The following DPH6 variants were observed in gnomAD, a reference collection of about 807,000 sequenced individuals.
DPH6 encodes the protein diphthine--ammonia ligase.
In DPH6, 33 loss-of-function variants were observed where a neutral mutation model predicts 38.2. That is an observed-to-expected ratio of 0.86 (90% CI 0.65 to 1.15). DPH6 has a LOEUF of 1.15. DPH6 is among the 50% of genes most tolerant of loss of function. The probability of loss-of-function intolerance (pLI) is 0.00; values close to 1 mark genes in which losing one functional copy is unlikely to be tolerated. For missense variants in DPH6, 325 were observed against 320.0 expected (o/e 1.02, Z -0.12); for synonymous variants, 108 against 103.0 (o/e 1.05, Z -0.30).
At chr15:35,357,728 T>C (rs1429634684) in intron 3 of DPH6, among the ~76,000 whole-genome samples, 3 of 152,254 alleles carry the variant, frequency 2.0e-5, no homozygotes, top group Non-Finnish European at 4.4e-5. Flanking sequence ...TTCTCGCTTG[T>C]AGAGTTTCTG....
At chr15:35,291,279 A>C (rs1428630322) in intron 3 of DPH6, among the ~76,000 whole-genome samples, 1 of 152,100 alleles carries the variant, frequency 6.6e-6, no homozygotes, top group Non-Finnish European at 1.5e-5. Context: ...CATGGTGGAC[A>C]TTGTTTCTTT....
chr15:35,336,694 T>C (rs949009492), intron 3 of DPH6, among the ~76,000 whole-genome samples: 1 of 152,212 alleles, frequency 6.6e-6, no homozygotes, highest in African/African-American at 2.4e-5. Flanking sequence ...TCTGCATCCA[T>C]TGAGATAATC....
At chr15:35,366,228 T>TTGTG (rs10525441), downstream of DPH6, among the ~76,000 whole-genome samples, 23,226 of 144,182 alleles carry the variant, frequency 0.16, 1,877 homozygotes, top group South Asian at 0.26. Context: ...TTTAGTCATC[T>TTGTG]TGTGTGTGTG....
At chr15:35,223,019 C>T in intron 3 of DPH6, among the ~76,000 whole-genome samples, 1 of 152,198 alleles carries the variant, frequency 6.6e-6, no homozygotes, top group East Asian at 1.9e-4. Flanking sequence ...TATTCCATTT[C>T]ACAGTTGTAA....
intron 4 of DPH6, among the ~76,000 whole-genome samples, chr15:35,452,580 C>CT (rs2053949726): frequency 6.6e-6 from 1 of 152,086 alleles, no homozygotes; most frequent in Admixed American, 6.6e-5. Flanking sequence ...AAAAATATCA[C>CT]TATTTTTTTC....
intron 5 of DPH6, among the ~76,000 whole-genome samples, chr15:35,431,859 C>T (rs926324040): frequency 3.9e-5 from 6 of 152,118 alleles, no homozygotes; most frequent in African/African-American, 1.4e-4. Flanking sequence ...GCAATCTCGG[C>T]TCACTGCAAG....
intron 3 of DPH6, among the ~76,000 whole-genome samples, chr15:35,493,986 C>T (rs1426796339): frequency 6.6e-6 from 1 of 152,064 alleles, no homozygotes; most frequent in Non-Finnish European, 1.5e-5. Flanking sequence ...ACTCTGGAAC[C>T]AACTGCCCAG....
At chr15:35,153,416 A>C in the DPH6 span, among the ~76,000 whole-genome samples, 1 of 152,102 alleles carries the variant, frequency 6.6e-6, no homozygotes, top group Admixed American at 6.6e-5. Flanking sequence ...TATTTTGTTT[A>C]GTGAGGGTGT....
exon 4 of DPH6, chr15:35,220,148 A>G (rs1004107790): frequency 6.6e-6 from 1 of 152,212 alleles, no homozygotes; most frequent in African/African-American, 2.4e-5. Context: ...GTGATATCAT[A>G]TATCTCTGTC....
chr15:35,340,727 G>A (rs892685128), intron 3 of DPH6, among the ~76,000 whole-genome samples: 1 of 152,078 alleles, frequency 6.6e-6, no homozygotes, highest in Non-Finnish European at 1.5e-5. Context: ...TGGCTTGTGG[G>A]GTTTCTACTG....
At chr15:35,353,164 A>T (rs1466426243) in intron 3 of DPH6, among the ~76,000 whole-genome samples, 1 of 152,146 alleles carries the variant, frequency 6.6e-6, no homozygotes, top group Non-Finnish European at 1.5e-5. Context: ...AGTTCACTGT[A>T]GATTCTAGAT....
At chr15:35,277,690 G>A (rs1157988271) in intron 3 of DPH6, among the ~76,000 whole-genome samples, 1 of 152,156 alleles carries the variant, frequency 6.6e-6, no homozygotes, top group Non-Finnish European at 1.5e-5. Flanking sequence ...AGTCCAAGCT[G>A]AAGAGCTCTC....
chr15:35,234,570 TTTAATA>T (rs2140395141), intron 3 of DPH6, among the ~76,000 whole-genome samples: 1 of 152,374 alleles, frequency 6.6e-6, no homozygotes, highest in Admixed American at 6.5e-5. Flanking sequence ...CTTTTTCCTA[TTTAATA>T]TTAACAACAC....
chr15:35,311,080 C>A lies in DPH6; in HGVS notation n.200+62441G>T, dbSNP rs1389203666. Among the ~76,000 whole-genome samples the A allele has an allele frequency of 3.1e-3, 411 of 134,274 alleles. 1 individual carries two copies. Among genetic ancestry groups the A allele is most frequent in the Middle Eastern group, 7.6e-3 (2 of 262 alleles). The allele number at this position is 134,274 out of a possible 152,430, so 88.1% of individuals were successfully genotyped here. ...ACCTCAAAAACAACAACAACAACAA[C>A]AAAAAAAAAAACCCAAAAAAACCAG... On this transcript the variant is annotated intron_variant and non_coding_transcript_variant, in intron 3 of 3. Coordinates refer to the DPH6 transcript ENST00000560386.
chr15:35,444,108 G>C (rs188949240), intron 5 of DPH6, among the ~76,000 whole-genome samples: 1 of 152,286 alleles, frequency 6.6e-6, no homozygotes, highest in African/African-American at 2.4e-5. Context: ...ACCATTCTCT[G>C]TTTCTTCCCA....
intron 3 of DPH6, among the ~76,000 whole-genome samples, chr15:35,303,063 T>G (rs567387509): frequency 3.3e-5 from 5 of 152,248 alleles, no homozygotes; most frequent in Non-Finnish European, 7.4e-5. Flanking sequence ...GGGTTGAGTT[T>G]CCTTCTCTTA....
chr15:35,227,229 G>C (rs1042541638), intron 3 of DPH6, among the ~76,000 whole-genome samples: 6 of 136,222 alleles, frequency 4.4e-5, no homozygotes, highest in Non-Finnish European at 9.1e-5. Context: ...TGTCACCCAG[G>C]CTGGAGTGCA....
At chr15:35,457,428 G>A (rs1010535205) in intron 3 of DPH6, among the ~76,000 whole-genome samples, 1 of 151,750 alleles carries the variant, frequency 6.6e-6, no homozygotes, top group Non-Finnish European at 1.5e-5. Context: ...TGAGGAGCTG[G>A]GATTACAGGC....
intron 3 of DPH6, among the ~76,000 whole-genome samples, chr15:35,357,000 G>A (rs1049970353): frequency 1.3e-5 from 2 of 151,866 alleles, no homozygotes; most frequent in African/African-American, 4.8e-5. Flanking sequence ...CTCTCCCCCA[G>A]CCTCTCTGCC....
Sources: allele counts gnomAD v4.1 joint callset (sites outside exome capture counted in the v4.1 genomes callset), GRCh38; gene constraint gnomAD v4.1.1; transcripts MANE v1.5; gene names NCBI Gene and HGNC (gene_info 2026-07-23, HGNC 2026-07-21).